TPSG1: variants seen among roughly 807,000 people sequenced by gnomAD.
TPSG1 encodes tryptase gamma 1, also known as tryptase gamma.
In TPSG1, 43 loss-of-function variants were observed where a neutral mutation model predicts 23.8. The ratio of observed to expected loss-of-function variants is 1.81; its 90% CI spans 1.42 to 2.33. The LOEUF (loss-of-function observed/expected upper bound fraction) is 2.33. Among genes scored for constraint, TPSG1 ranks in the 30% most tolerant of loss-of-function variants. TPSG1 has a pLI of 0.00. For missense variants in TPSG1, 623 were observed against 438.6 expected (o/e 1.42, Z -3.75); for synonymous variants, 302 against 201.3 (o/e 1.50, Z -4.23).
At chr16:1,223,085 C>G (rs1331447935) in intron 3 of TPSG1, among the ~76,000 whole-genome samples, 168 bp from the exon 4 acceptor site, 1 of 152,200 alleles carries the variant, frequency 6.6e-6, no homozygotes, top group Admixed American at 6.5e-5. Context: ...GCCCAAGGAC[C>G]ACGGCAGCAC....
chr16:1,225,237 A>T lies in TPSG1; in HGVS notation c.16T>A (p.Cys6Ser). The change falls in exon 1 of 6, where the codon TGT becomes AGT. Residue 6 changes from cysteine to serine, a missense_variant. Physicochemically the swap from Cys to Ser is moderately radical, Grantham distance 112 (BLOSUM62 -1). Transcript: ENST00000234798. MALGA[C>S]GLLLLLAVPG... is the part of the protein sequence containing the mutation. ...ACAGCCAGGAGCAGCAGGAGGCCACAGGCCCCAAGGGCCATGGTGTCTGCC... is the reference window on the plus strand; with the variant it reads ...ACAGCCAGGAGCAGCAGGAGGCCACTGGCCCCAAGGGCCATGGTGTCTGCC... 6.3e-7 allele frequency: 1 copy of T among 1,576,994 alleles called. No individual in the cohort carries two copies. Among genetic ancestry groups the T allele is most frequent in the South Asian group, 1.2e-5 (1 of 85,870 alleles).
At chr16:1,224,541 G>T in intron 2 of TPSG1, 61 bp downstream of exon 2, 9 of 1,608,260 alleles carry the variant, frequency 5.6e-6, no homozygotes, top group Non-Finnish European at 7.7e-6. Context: ...GGGTCACCGA[G>T]GCCCTCCTGC....
chr16:1,223,720 TG>T (rs1264349815), intron 2 of TPSG1, 126 bp from the exon 3 acceptor site: 1 of 1,147,514 alleles, frequency 8.7e-7, no homozygotes, highest in African/African-American at 1.6e-5. Flanking sequence ...CTCTCTCGTC[TG>T]CCAGACTCTC....
chr16:1,222,166 C>T, intron 5 of TPSG1, 30 bp downstream of exon 5: 4 of 1,611,686 alleles, frequency 2.5e-6, no homozygotes, highest in Non-Finnish European at 3.4e-6. Context: ...TCAGCCGCCC[C>T]CATCCTCTGT....
intron 1 of TPSG1, 64 bp downstream of exon 1, chr16:1,225,143 C>G: frequency 1.3e-6 from 2 of 1,532,650 alleles, no homozygotes; most frequent in Non-Finnish European, 8.8e-7. Flanking sequence ...AGTTTCACCC[C>G]CATCAGGGGT....
chr16:1,225,004 G>T (rs958079210), intron 1 of TPSG1, among the ~76,000 whole-genome samples: 1 of 117,904 alleles, frequency 8.5e-6, no homozygotes, highest in African/African-American at 3.2e-5. Context: ...ACTCCCACCC[G>T]CACATCCCTC....
chr16:1,223,167 G>A (rs1219805871), intron 3 of TPSG1, among the ~76,000 whole-genome samples: 1 of 152,246 alleles, frequency 6.6e-6, no homozygotes, highest in Non-Finnish European at 1.5e-5. Context: ...TCAGGAGGCA[G>A]ATTGCAAGCT....
chr16:1,223,691 T>G (rs2029981898), intron 2 of TPSG1, 97 bp from the exon 3 acceptor site: 6 of 1,403,910 alleles, frequency 4.3e-6, no homozygotes, highest in Non-Finnish European at 5.7e-6. Flanking sequence ...CCTGCCTTCT[T>G]GGGGACTTTG....
chr16:1,224,329 T>C (rs966125636), intron 2 of TPSG1, among the ~76,000 whole-genome samples: 1 of 152,024 alleles, frequency 6.6e-6, no homozygotes, highest in Non-Finnish European at 1.5e-5. Flanking sequence ...GTGGGGACGC[T>C]GTGGGGAGAA....
chr16:1,224,819 C>A (rs2030058905), intron 1 of TPSG1, 191 bp from the exon 2 acceptor site: 1 of 685,330 alleles, frequency 1.5e-6, no homozygotes, highest in Non-Finnish European at 2.5e-6. Context: ...AAGCCACAGG[C>A]CATAAACGGC....
At position 1,222,753 on chromosome 16, in the gene TPSG1, A is replaced by G. The variant is rs1029992243; in HGVS notation, c.410T>C (p.Leu137Pro). 6.2e-7 allele frequency: 1 copy of G among 1,611,914 alleles called. No individual in the cohort carries two copies. The highest frequency in any genetic ancestry group is 1.7e-5 in the Admixed American group (1 of 59,982). The change falls in exon 4 of 6, where the codon CTC becomes CCC. Residue 137 changes from leucine to proline, a missense_variant. Leu to Pro is a moderately conservative substitution (Grantham distance 98). Transcript: ENST00000234798. Reference sequence around the variant, plus strand: ...GCAGACGGGCAGGATCCGGCTGGAGAGGGTCACGGGGACACTGAGCTCCAC... The same window carrying G: ...GCAGACGGGCAGGATCCGGCTGGAGGGGGTCACGGGGACACTGAGCTCCAC... ...ALVELSVPVT[L>P]SSRILPVCLP...
chr16:1,225,100 C>A, intron 1 of TPSG1, 107 bp downstream of exon 1: 1 of 1,405,942 alleles, frequency 7.1e-7, no homozygotes, highest in Non-Finnish European at 9.7e-7. Flanking sequence ...AGGGTGGGGA[C>A]TCAGCATGTT....
intron 3 of TPSG1, 113 bp downstream of exon 3, chr16:1,223,310 C>G (rs1879325012): frequency 3.0e-6 from 4 of 1,329,586 alleles, no homozygotes; most frequent in Non-Finnish European, 4.0e-6. Context: ...AGGAAGTAGG[C>G]TCAGAGTTCC....
At chr16:1,225,025 C>G (rs1046506454) in intron 1 of TPSG1, among the ~76,000 whole-genome samples, 182 bp downstream of exon 1, 1 of 152,178 alleles carries the variant, frequency 6.6e-6, no homozygotes, top group Non-Finnish European at 1.5e-5. Context: ...CTGCCTCTCC[C>G]CAGCACGGAC....
At chr16:1,225,151 G>A (rs929835965) in intron 1 of TPSG1, 56 bp downstream of exon 1, 14 of 1,539,832 alleles carry the variant, frequency 9.1e-6, no homozygotes, top group African/African-American at 6.9e-5. Flanking sequence ...CCCCATCAGG[G>A]GTCCAGGCAG....
chr16:1,225,090 A>C, intron 1 of TPSG1, 117 bp downstream of exon 1: 1 of 1,321,446 alleles, frequency 7.6e-7, no homozygotes, highest in Non-Finnish European at 1.0e-6. Context: ...GGGGCCCCAC[A>C]GGGTGGGGAC....
chr16:1,224,831 G>C, intron 1 of TPSG1: 1 of 648,054 alleles, frequency 1.5e-6, no homozygotes, highest in East Asian at 2.8e-5. Context: ...ATAAACGGCA[G>C]CTGGAGGCCG....
Position 1,224,516 on chromosome 16 carries a change from C to G in TPSG1, c.73+86G>C, listed in dbSNP as rs377103030. 3.5e-3 allele frequency: 5,552 copies of G among 1,567,232 alleles called. 35 individuals are homozygous for G. The highest frequency in any genetic ancestry group is 0.014 in the Middle Eastern group (82 of 5,880). On this transcript the variant is annotated intron_variant, in intron 2 of 5. Transcript: ENST00000234798. Reference sequence around the variant, plus strand: ...TGACCTCCCCGGGCCCCCATTGGGACCCCAGGGAAGGAGAGGGTCACCGAG... The same window carrying G: ...TGACCTCCCCGGGCCCCCATTGGGAGCCCAGGGAAGGAGAGGGTCACCGAG...
chr16:1,223,114 C>T (rs2029912864), intron 3 of TPSG1, among the ~76,000 whole-genome samples, 197 bp from the exon 4 acceptor site: 3 of 152,206 alleles, frequency 2.0e-5, no homozygotes, highest in Admixed American at 2.0e-4. Context: ...TCCTGCCAGC[C>T]CCTGGAAAAG....
Sources: allele counts gnomAD v4.1 joint callset (sites outside exome capture counted in the v4.1 genomes callset), GRCh38; gene constraint gnomAD v4.1.1; transcripts MANE v1.5; gene names NCBI Gene and HGNC (gene_info 2026-07-23, HGNC 2026-07-21).